EVC2: variants seen among roughly 807,000 people sequenced by gnomAD.
The protein encoded by EVC2 is EvC ciliary complex subunit 2, also known as limbin.
Under a neutral mutation model 149.3 loss-of-function variants are expected in EVC2, and 148 were observed. The ratio of observed to expected loss-of-function variants is 0.99; its 90% CI spans 0.87 to 1.14. The LOEUF (loss-of-function observed/expected upper bound fraction) is 1.14, where lower values mean the gene tolerates loss of function less well. EVC2 is among the 50% of genes most tolerant of loss of function. EVC2 has a pLI of 0.00. For missense variants in EVC2, 1,854 were observed against 1,627.3 expected, an observed-to-expected ratio of 1.14 and a Z score of -2.40; for synonymous variants, 776 against 649.9, an observed-to-expected ratio of 1.19 and a Z score of -2.95.
intron 17 of EVC2, among the ~76,000 whole-genome samples, chr4:5,583,667 ACT>A (rs1712004555): frequency 6.6e-6 from 1 of 151,246 alleles, no homozygotes; most frequent in African/African-American, 2.4e-5. Flanking sequence ...ATTTTAAAAA[ACT>A]CTACTGCATC....
chr4:5,609,078 G>A (rs903785331), intron 16 of EVC2, among the ~76,000 whole-genome samples: 1 of 152,080 alleles, frequency 6.6e-6, no homozygotes, highest in Non-Finnish European at 1.5e-5. Context: ...CCTTGAGACT[G>A]AATTATACCA....
chr4:5,681,342 A>G (rs1253770282), intron 6 of EVC2, 29 bp from the exon 7 acceptor site: 1 of 1,613,736 alleles, frequency 6.2e-7, no homozygotes. Flanking sequence ...AAACACTTTC[A>G]GCAACAGTTT....
At chr4:5,621,704 A>G (rs1284688886) in intron 14 of EVC2, among the ~76,000 whole-genome samples, 1 of 152,150 alleles carries the variant, frequency 6.6e-6, no homozygotes, top group Admixed American at 6.5e-5. Context: ...TATGACTCCG[A>G]CTTGTCTTCA....
chr4:5,684,831 G>C lies in EVC2; in HGVS notation c.816+539C>G, dbSNP rs563929474. Among the ~76,000 whole-genome samples, 5 of 152,226 alleles carry C rather than the reference G, an allele frequency of 3.3e-5. No individual in the cohort carries two copies. The South Asian group carries it at 8.3e-4, about 25-fold the overall frequency. The stretch of plus-strand genomic sequence containing the variant: ...GGCTGGGTCATGGTCTTGTATGCCT[G>C]GTGTCCTTATAGAAGAGGCTAGGAC... On this transcript the variant is annotated intron_variant, in intron 6 of 21. Coordinates refer to ENST00000344408, the MANE Select transcript of EVC2 (RefSeq NM_147127.5).
At chr4:5,593,472 G>A (rs993509301) in intron 16 of EVC2, among the ~76,000 whole-genome samples, 7 of 152,182 alleles carry the variant, frequency 4.6e-5, no homozygotes, top group African/African-American at 1.4e-4. Flanking sequence ...GATTCGTACA[G>A]ATTTGCTGCT....
chr4:5,594,770 C>A (rs973855757), intron 16 of EVC2, among the ~76,000 whole-genome samples: 24 of 152,236 alleles, frequency 1.6e-4, no homozygotes, highest in African/African-American at 5.8e-4. Context: ...TCAAACTACT[C>A]CAAGCTACGG....
rs550294532 is a variant in EVC2 at position 5,618,454 on chromosome 4, C to T, written c.2706+24G>A. 3.4e-5 allele frequency: 55 copies of T among 1,612,034 alleles called. No individual in the cohort carries two copies. The South Asian group carries it at 5.1e-4, about 15-fold the overall frequency. On this transcript the variant is annotated intron_variant, in intron 15 of 21. Coordinates refer to ENST00000344408, the MANE Select transcript of EVC2 (RefSeq NM_147127.5). This position sits in a 1 kb window ranked among gnomAD's most constrained non-coding sequence, Gnocchi z 4.4. ...TGGGAGACGGCCCTGCTTCTGTAAT[C>T]GGCCACTGACAGGTCCATCCTACCT...
chr4:5,691,511 T>C (rs1207406402), intron 3 of EVC2, among the ~76,000 whole-genome samples, 178 bp from the exon 4 acceptor site: 1 of 152,170 alleles, frequency 6.6e-6, no homozygotes, highest in African/African-American at 2.4e-5. Flanking sequence ...AATTAAAACT[T>C]ATGGAAAGAA....
chr4:5,671,368 C>T (rs1719638397), intron 7 of EVC2, among the ~76,000 whole-genome samples: 1 of 152,146 alleles, frequency 6.6e-6, no homozygotes, highest in Admixed American at 6.5e-5. Flanking sequence ...ATGCAGCTCA[C>T]CTTTTGGGGG....
At position 5,567,909 on chromosome 4, in the gene EVC2, TA is replaced by T. The variant is rs1722396985; in HGVS notation, c.3557+534del. Among the ~76,000 whole-genome samples the T allele has an allele frequency of 6.6e-6, 1 of 152,210 alleles. No individual in the cohort carries two copies. Among genetic ancestry groups the T allele is most frequent in the African/African-American group, 2.4e-5 (1 of 41,454 alleles). Reference sequence around the variant, plus strand: ...TCTAAGTAATGGGATAAGAATTACATAGGGGGATGTTTGCATGAGCGTTAAA... The same window carrying T: ...TCTAAGTAATGGGATAAGAATTACATGGGGGATGTTTGCATGAGCGTTAAA... On this transcript the variant is annotated intron_variant, in intron 20 of 21. Transcript: ENST00000344408. This position sits in a 1 kb window ranked among gnomAD's most constrained non-coding sequence, Gnocchi z 4.4.
Position 5,640,930 on chromosome 4 carries a change from T to C in EVC2, c.1146-92A>G. The C allele has an allele frequency of 7.0e-7, 1 of 1,427,856 alleles. No homozygotes were observed. Among genetic ancestry groups the C allele is most frequent in the Non-Finnish European group, 9.8e-7 (1 of 1,018,314 alleles). 88.4% of individuals were successfully genotyped at this position (1,427,856 alleles called of 1,614,324 possible). ...AAGCTCTGAGGTTTTCATTTATGTG[T>C]AGGCAAGGGCTTTCTTCGTCTTCCT... On this transcript the variant is annotated intron_variant, in intron 9 of 21. Transcript: ENST00000344408. The surrounding 1 kb of genome is among the most constrained non-coding windows in gnomAD (Gnocchi z 4.6).
At chr4:5,662,339 C>T (rs1256982241) in intron 9 of EVC2, among the ~76,000 whole-genome samples, 3 of 151,544 alleles carry the variant, frequency 2.0e-5, no homozygotes, top group Admixed American at 6.6e-5. Flanking sequence ...AACAAACCCC[C>T]TGTGACACGA....
chr4:5,632,165 CATT>C, intron 10 of EVC2, 133 bp from the exon 11 acceptor site: 1 of 1,230,532 alleles, frequency 8.1e-7, no homozygotes, highest in East Asian at 2.5e-5. Context: ...TGCACATATG[CATT>C]ACAATATATA....
In EVC2 at chr4:5,625,487, C is replaced by T. The variant is rs1716040969; in HGVS notation, c.2046+262G>A. On this transcript the variant is annotated intron_variant, in intron 13 of 21. Coordinates refer to ENST00000344408, the MANE Select transcript of EVC2 (RefSeq NM_147127.5). The surrounding 1 kb of genome is among the most constrained non-coding windows in gnomAD (Gnocchi z 4.0). ...ATCATTAGTCACTCAAACCAGCACT[C>T]CTAATTCCCTTGCCCATGCAGACAT... 1.3e-5 allele frequency among the ~76,000 whole-genome samples: 2 copies of T among 152,244 alleles called. No homozygotes were observed. The highest frequency in any genetic ancestry group is 1.3e-4 in the Admixed American group (2 of 15,294).
Position 5,665,774 on chromosome 4 carries a change from CGCTCTGCCAGCTACCAGCT to C in EVC2, c.871-144_871-126del. The C allele has an allele frequency of 3.4e-6, 5 of 1,449,954 alleles. No homozygotes were observed. The Admixed American group carries it at 9.9e-5, about 29-fold the overall frequency. 89.8% of individuals were successfully genotyped at this position (1,449,954 alleles called of 1,614,324 possible). A position where few individuals can be genotyped will look rare whatever the true frequency, so the allele number is the denominator to read the frequency against. On this transcript the variant is annotated intron_variant, in intron 7 of 21. Coordinates refer to ENST00000344408, the MANE Select transcript of EVC2 (RefSeq NM_147127.5). Reference sequence around the variant, plus strand: ...AGGGGACTCGCTTGCATTTGAGTCTCGCTCTGCCAGCTACCAGCTGGCTGCCTGGAGGCCCTCGCTGGTC... The same window carrying C: ...AGGGGACTCGCTTGCATTTGAGTCTCGGCTGCCTGGAGGCCCTCGCTGGTC...
In EVC2 at chr4:5,677,206, G is replaced by A. The variant is rs1186774889; in HGVS notation, c.870+4054C>T. 2.6e-5 allele frequency among the ~76,000 whole-genome samples: 4 copies of A among 152,098 alleles called. No individual in the cohort carries two copies. Among genetic ancestry groups the A allele is most frequent in the African/African-American group, 7.2e-5 (3 of 41,404 alleles). The stretch of plus-strand genomic sequence containing the variant: ...TCAACAACCATCCTATGAAGTGAAC[G>A]TTGTTATTACTCTCATTTCACAGTT... On this transcript the variant is annotated intron_variant, in intron 7 of 21. Transcript: ENST00000344408. This position sits in a 1 kb window ranked among gnomAD's most constrained non-coding sequence, Gnocchi z 4.3.
chr4:5,548,832 A>T (rs191759418), intron 21 of EVC2, among the ~76,000 whole-genome samples: 4 of 152,358 alleles, frequency 2.6e-5, no homozygotes, highest in African/African-American at 9.6e-5. Flanking sequence ...GGAAAAATAA[A>T]AGAAAATCAC....
In EVC2 at chr4:5,703,489, T is replaced by C. The variant is rs2151745177; in HGVS notation, c.228+4797A>G. Among the ~76,000 whole-genome samples, 3 of 152,260 alleles carry C rather than the reference T, an allele frequency of 2.0e-5. No homozygotes were observed. In the Middle Eastern group the frequency reaches 0.01, roughly 518 times the overall value. ...ATTTATAAGTTGACACATGAAATGC[T>C]CAAGTGTCCACAGCTAGTAAACAGT... is the stretch of plus-strand genomic sequence containing the variant. On this transcript the variant is annotated intron_variant, in intron 1 of 21. Coordinates refer to ENST00000344408, the MANE Select transcript of EVC2 (RefSeq NM_147127.5).
Position 5,686,035 on chromosome 4 carries a change from A to G in EVC2, c.707-556T>C, listed in dbSNP as rs1388256474. Among the ~76,000 whole-genome samples, 1 of 152,014 alleles carries G rather than the reference A, an allele frequency of 6.6e-6. No homozygotes were observed. Among genetic ancestry groups the G allele is most frequent in the Non-Finnish European group, 1.5e-5 (1 of 68,012 alleles). ...CATTTCTCAATGTATGCAGACCTCA[A>G]AAATATATATAGATACATATATACA... On this transcript the variant is annotated intron_variant, in intron 5 of 21. Transcript: ENST00000344408. The surrounding 1 kb of genome is among the most constrained non-coding windows in gnomAD (Gnocchi z 5.4).
Sources: gnomAD v4.1 joint callset for allele counts (sites outside exome capture counted in the v4.1 genomes callset) on GRCh38, gnomAD v4.1.1 for gene constraint, Gnocchi (gnomAD v3.1) non-coding constraint, MANE v1.5 for transcripts, NCBI Gene and HGNC (gene_info 2026-07-23, HGNC 2026-07-21) for gene names.